Variants in TNS3 observed in about 807,000 individuals in gnomAD.
TNS3 encodes the protein tensin 3, also known as tensin-3.
Under a neutral mutation model 140.9 loss-of-function variants are expected in TNS3, and 45 were observed. That is an observed-to-expected ratio of 0.32 (90% CI 0.25 to 0.41). The LOEUF (loss-of-function observed/expected upper bound fraction) is 0.41, where lower values mean the gene tolerates loss of function less well. Among genes scored for constraint, TNS3 ranks in the 10% least tolerant of loss-of-function variants. The pLI is 1.00. For missense variants in TNS3, 1,716 were observed against 1,906.7 expected (o/e 0.90, Z 1.86); for synonymous variants, 815 against 788.4 (o/e 1.03, Z -0.56).
chr7:47,511,258 A>G (rs1054298435), intron 2 of TNS3, among the ~76,000 whole-genome samples: 1 of 152,186 alleles, frequency 6.6e-6, no homozygotes, highest in African/African-American at 2.4e-5. Context: ...TCCTTTTCCA[A>G]GTAGATATGT....
chr7:47,499,588 CA>C (rs1184544033), intron 3 of TNS3, among the ~76,000 whole-genome samples: 2 of 152,146 alleles, frequency 1.3e-5, no homozygotes, highest in African/African-American at 4.8e-5. Context: ...AATTTAAATG[CA>C]TATTATCAAG....
intron 23 of TNS3, among the ~76,000 whole-genome samples, chr7:47,301,371 T>C (rs1340589928): frequency 6.6e-6 from 1 of 152,022 alleles, no homozygotes; most frequent in Non-Finnish European, 1.5e-5. Context: ...CAACAAACTC[T>C]ATGCACTGCC....
At chr7:47,395,361 C>T (rs151071084) in intron 16 of TNS3, among the ~76,000 whole-genome samples, 13 of 152,144 alleles carry the variant, frequency 8.5e-5, no homozygotes, top group Admixed American at 3.3e-4. Flanking sequence ...TCTTGCCTTG[C>T]GATGATTATT....
chr7:47,493,662 CAAA>C (rs58803590), intron 3 of TNS3, among the ~76,000 whole-genome samples: 19,870 of 118,870 alleles, frequency 0.17, 1,612 homozygotes, highest in Non-Finnish European at 0.24. Context: ...ACTAAAAATA[CAAA>C]AAAAAAAAAA....
chr7:47,502,084 A>T (rs1266209576), intron 3 of TNS3, among the ~76,000 whole-genome samples: 1 of 152,214 alleles, frequency 6.6e-6, no homozygotes, highest in Non-Finnish European at 1.5e-5. Flanking sequence ...CAAAGCACCA[A>T]AAAGAACACA....
Position 47,373,023 on chromosome 7 carries a change from C to A in TNS3, c.1025-3402G>T, listed in dbSNP as rs144672696. 2.7e-3 allele frequency among the ~76,000 whole-genome samples: 407 copies of A among 152,296 alleles called. 2 individuals carry two copies. Among genetic ancestry groups the A allele is most frequent in the African/African-American group, 8.9e-3 (370 of 41,546 alleles). On this transcript the variant is annotated intron_variant, in intron 16 of 30. Coordinates refer to ENST00000311160, the MANE Select transcript of TNS3 (RefSeq NM_022748.12). ...ATCCCAGGAGCTCCACAGACAACCCCCTGCACCTACACCTCCGTGGTCTTC... is the reference window on the plus strand; with the variant it reads ...ATCCCAGGAGCTCCACAGACAACCCACTGCACCTACACCTCCGTGGTCTTC...
intron 16 of TNS3, among the ~76,000 whole-genome samples, chr7:47,382,962 T>C (rs1265552050): frequency 6.6e-6 from 1 of 152,160 alleles, no homozygotes; most frequent in African/African-American, 2.4e-5. Flanking sequence ...GCAGTATGTT[T>C]AGTGCCACTC....
chr7:47,441,498 G>A (rs1246824064), intron 5 of TNS3, among the ~76,000 whole-genome samples: 1 of 152,176 alleles, frequency 6.6e-6, no homozygotes, highest in East Asian at 1.9e-4. Context: ...TTTTAAGGTT[G>A]ATTTGTTCAA....
intron 16 of TNS3, among the ~76,000 whole-genome samples, chr7:47,381,669 G>A (rs115521972): frequency 0.025 from 3,882 of 152,248 alleles, 161 homozygotes; most frequent in African/African-American, 0.088. Flanking sequence ...TAAATCACCC[G>A]AGATGGCCAC....
intron 1 of TNS3, among the ~76,000 whole-genome samples, chr7:47,536,485 C>T (rs1399000413): frequency 6.6e-6 from 1 of 152,228 alleles, no homozygotes; most frequent in Non-Finnish European, 1.5e-5. Flanking sequence ...ATTCCTACAT[C>T]CCAGCGCATC....
intron 4 of TNS3, among the ~76,000 whole-genome samples, chr7:47,478,536 T>C (rs1028033452): frequency 2.0e-5 from 3 of 152,088 alleles, no homozygotes; most frequent in Non-Finnish European, 4.4e-5. Context: ...CCCTCAGATA[T>C]ATAACAACTA....
intron 13 of TNS3, 122 bp downstream of exon 13, chr7:47,411,605 T>G: frequency 9.7e-7 from 1 of 1,032,228 alleles, no homozygotes; most frequent in Admixed American, 2.6e-5. Context: ...CTTTTCCTTC[T>G]TCCTACAGGG....
At chr7:47,475,161 C>T (rs1034323844) in intron 4 of TNS3, among the ~76,000 whole-genome samples, 3 of 152,204 alleles carry the variant, frequency 2.0e-5, no homozygotes, top group East Asian at 1.9e-4. Context: ...CACAGACACA[C>T]GCATCTTGCA....
At chr7:47,296,990 A>G (rs1005554134) in intron 24 of TNS3, 92 bp downstream of exon 24, 2 of 1,489,532 alleles carry the variant, frequency 1.3e-6, no homozygotes, top group African/African-American at 2.8e-5. Context: ...GAGTATTGTT[A>G]AAGTCATCTT....
chr7:47,356,714 A>C (rs898595940), intron 17 of TNS3, among the ~76,000 whole-genome samples: 1 of 152,256 alleles, frequency 6.6e-6, no homozygotes, highest in African/African-American at 2.4e-5. Flanking sequence ...CTATGTATAG[A>C]TATAACAAAC....
At chr7:47,437,067 A>C (rs1197797902) in intron 7 of TNS3, among the ~76,000 whole-genome samples, 196 bp downstream of exon 7, 1 of 152,200 alleles carries the variant, frequency 6.6e-6, no homozygotes, top group Non-Finnish European at 1.5e-5. Flanking sequence ...AGATCTCTGT[A>C]TTATTTTCAC....
rs933238971 is a variant in TNS3 at position 47,487,320 on chromosome 7, G to A, written c.-114-6179C>T. On this transcript the variant is annotated intron_variant, in intron 3 of 30. Coordinates refer to ENST00000311160, the MANE Select transcript of TNS3 (RefSeq NM_022748.12). Reference sequence around the variant, plus strand: ...AAGAAAAAAAAAAAAGAACTGAAGCGAGCACCCTCAAGTGTCAAGCATGCT... The same window carrying A: ...AAGAAAAAAAAAAAAGAACTGAAGCAAGCACCCTCAAGTGTCAAGCATGCT... 3.3e-5 allele frequency among the ~76,000 whole-genome samples: 5 copies of A among 150,620 alleles called. 1 individual carries two copies. Among genetic ancestry groups the A allele is most frequent in the South Asian group, 4.2e-4 (2 of 4,754 alleles).
intron 13 of TNS3, among the ~76,000 whole-genome samples, chr7:47,410,441 C>G (rs1793704018): frequency 6.6e-6 from 1 of 152,206 alleles, no homozygotes; most frequent in Admixed American, 6.5e-5. Context: ...TCCAGACCTG[C>G]CTTCCAGGCC....
intron 13 of TNS3, among the ~76,000 whole-genome samples, chr7:47,408,001 G>C (rs79593345): frequency 0.04 from 6,071 of 152,306 alleles, 175 homozygotes; most frequent in Non-Finnish European, 0.06. Flanking sequence ...ACAGAATGGC[G>C]GGATCAGCTG....
Sources: gnomAD v4.1 joint callset for allele counts (sites outside exome capture counted in the v4.1 genomes callset) on GRCh38, gnomAD v4.1.1 for gene constraint, MANE v1.5 for transcripts, NCBI Gene and HGNC (gene_info 2026-07-23, HGNC 2026-07-21) for gene names.